Variants in ANGPT1 observed in about 807,000 individuals in gnomAD.
ANGPT1 encodes the protein angiopoietin 1, also known as angiopoietin-1.
In ANGPT1, 17 loss-of-function variants were observed where a neutral mutation model predicts 62.2. The ratio of observed to expected loss-of-function variants is 0.27; its 90% CI spans 0.19 to 0.41. The LOEUF (loss-of-function observed/expected upper bound fraction) is 0.41. Among genes scored for constraint, ANGPT1 ranks in the 10% least tolerant of loss-of-function variants. The pLI is 1.00. For missense variants in ANGPT1, 478 were observed against 594.9 expected (o/e 0.80, Z 2.04); for synonymous variants, 199 against 198.9 (o/e 1.00, Z 0.00).
chr8:107,397,874 C>G (rs1486772802), intron 1 of ANGPT1, among the ~76,000 whole-genome samples: 1 of 152,126 alleles, frequency 6.6e-6, no homozygotes, highest in Non-Finnish European at 1.5e-5. Context: ...CTGAGCAAAA[C>G]CTCATCAAAT....
At chr8:107,336,476 A>T (rs889969004) in intron 2 of ANGPT1, 32 of 612,260 alleles carry the variant, frequency 5.2e-5, no homozygotes, top group African/African-American at 3.9e-4. Flanking sequence ...CCATCCTGGC[A>T]AACATGGTGA....
At chr8:107,471,878 G>T (rs1425029685) in intron 1 of ANGPT1, among the ~76,000 whole-genome samples, 6 of 151,988 alleles carry the variant, frequency 3.9e-5, no homozygotes, top group Non-Finnish European at 8.8e-5. Context: ...GGATTTGTTT[G>T]TGTGTTTGCT....
chr8:107,308,079 A>G (rs1437080404), intron 4 of ANGPT1, among the ~76,000 whole-genome samples: 1 of 151,908 alleles, frequency 6.6e-6, no homozygotes, highest in Non-Finnish European at 1.5e-5. Context: ...CAATCATCCT[A>G]TATTATTATT....
At chr8:107,256,913 G>A (rs1813371496) in intron 8 of ANGPT1, among the ~76,000 whole-genome samples, 1 of 152,030 alleles carries the variant, frequency 6.6e-6, no homozygotes. Context: ...CTGGAGTGCA[G>A]TGGCACAATC....
intron 1 of ANGPT1, among the ~76,000 whole-genome samples, chr8:107,448,324 T>C (rs950590429): frequency 2.0e-4 from 31 of 152,214 alleles, no homozygotes; most frequent in African/African-American, 7.2e-4. Flanking sequence ...AACTTTTTTA[T>C]GAAACTGTCC....
At chr8:107,266,550 C>A (rs534876605) in intron 7 of ANGPT1, among the ~76,000 whole-genome samples, 1 of 152,146 alleles carries the variant, frequency 6.6e-6, no homozygotes, top group Non-Finnish European at 1.5e-5. Flanking sequence ...TCTCTCCTAG[C>A]GTGAAATCTG....
intron 5 of ANGPT1, among the ~76,000 whole-genome samples, chr8:107,300,044 T>G (rs1487939385): frequency 2.1e-5 from 3 of 142,928 alleles, no homozygotes; most frequent in African/African-American, 5.1e-5. Context: ...GATATAACTA[T>G]ATATATAGTT....
At chr8:107,437,754 C>T (rs1245459517) in intron 1 of ANGPT1, among the ~76,000 whole-genome samples, 1 of 151,762 alleles carries the variant, frequency 6.6e-6, no homozygotes, top group Non-Finnish European at 1.5e-5. Context: ...TCATAGATGA[C>T]AGCAGATAAG....
chr8:107,291,615 A>G (rs1814277936), intron 6 of ANGPT1, among the ~76,000 whole-genome samples: 1 of 151,642 alleles, frequency 6.6e-6, no homozygotes, highest in Admixed American at 6.6e-5. Context: ...GTTTCACCAT[A>G]TTGGCCAAGA....
At chr8:107,322,208 T>A in intron 3 of ANGPT1, 80 bp from the exon 4 acceptor site, 1 of 1,013,832 alleles carries the variant, frequency 9.9e-7, no homozygotes, top group Non-Finnish European at 1.4e-6. Context: ...GGTTCCTGAA[T>A]TTATTTAAGA....
At chr8:107,324,189 A>G (rs563480196) in intron 3 of ANGPT1, among the ~76,000 whole-genome samples, 1 of 90,016 alleles carries the variant, frequency 1.1e-5, no homozygotes, top group Non-Finnish European at 2.1e-5. Context: ...GTGTGTGTGT[A>G]TATATGTATA....
chr8:107,317,286 C>A (rs565773747), intron 4 of ANGPT1, among the ~76,000 whole-genome samples: 2 of 152,252 alleles, frequency 1.3e-5, no homozygotes, highest in South Asian at 2.1e-4. Flanking sequence ...TAGAAACTTA[C>A]CAAATATTTG....
At chr8:107,264,480 A>T in intron 7 of ANGPT1, 129 bp from the exon 8 acceptor site, 2 of 1,146,726 alleles carry the variant, frequency 1.7e-6, no homozygotes, top group Non-Finnish European at 2.4e-6. Context: ...CTTCCAACAA[A>T]CCTCTAGGAG....
In ANGPT1 at chr8:107,305,519, C is replaced by T. The variant is rs192720957; in HGVS notation, c.809-2152G>A. The stretch of plus-strand genomic sequence containing the variant: ...CTATTTCACACACATTTTTAGTAAC[C>T]GAGAAAAAAGGAAAAAGTTGGGTAT... On this transcript the variant is annotated intron_variant, in intron 4 of 8. Coordinates refer to ENST00000517746, the MANE Select transcript of ANGPT1 (RefSeq NM_001146.5). 1.5e-3 allele frequency among the ~76,000 whole-genome samples: 226 copies of T among 151,498 alleles called. 2 individuals carry two copies. The highest frequency in any genetic ancestry group is 5.2e-3 in the African/African-American group (216 of 41,328).
chr8:107,371,781 C>T (rs1193215616), intron 1 of ANGPT1, among the ~76,000 whole-genome samples: 2 of 151,934 alleles, frequency 1.3e-5, no homozygotes, highest in Non-Finnish European at 2.9e-5. Context: ...TGCCTAAACC[C>T]CTCTTCTATG....
chr8:107,363,623 T>C (rs1304542957), intron 1 of ANGPT1, among the ~76,000 whole-genome samples: 1 of 152,202 alleles, frequency 6.6e-6, no homozygotes, highest in African/African-American at 2.4e-5. Flanking sequence ...ATCTGTATCA[T>C]AGTATTGTTT....
intron 1 of ANGPT1, among the ~76,000 whole-genome samples, chr8:107,411,660 T>C (rs1363409416): frequency 2.0e-5 from 3 of 152,190 alleles, no homozygotes; most frequent in Admixed American, 6.5e-5. Context: ...TAAAGAAATA[T>C]ATATCAGTTT....
chr8:107,465,857 A>G (rs948311020), intron 1 of ANGPT1, among the ~76,000 whole-genome samples: 1 of 152,186 alleles, frequency 6.6e-6, no homozygotes, highest in Non-Finnish European at 1.5e-5. Flanking sequence ...CTCTTCCCAC[A>G]GAGTAACTAT....
At chr8:107,450,433 C>T (rs1003837207) in intron 1 of ANGPT1, among the ~76,000 whole-genome samples, 1 of 151,830 alleles carries the variant, frequency 6.6e-6, no homozygotes, top group African/African-American at 2.4e-5. Context: ...AGATGAGTTT[C>T]CCCATTAAAA....
Sources: gnomAD v4.1 joint callset for allele counts (sites outside exome capture counted in the v4.1 genomes callset) on GRCh38, gnomAD v4.1.1 for gene constraint, MANE v1.5 for transcripts, NCBI Gene and HGNC (gene_info 2026-07-23, HGNC 2026-07-21) for gene names.